MAN1A2: variants seen among roughly 807,000 people sequenced by gnomAD.
MAN1A2 encodes the protein mannosyl-oligosaccharide 1,2-alpha-mannosidase IB.
MAN1A2 carries 26 observed loss-of-function variants against 75.7 expected under a neutral mutation model. That is an observed-to-expected ratio of 0.34 (90% CI 0.25 to 0.48). The LOEUF is 0.48. MAN1A2 is among the 20% of genes least tolerant of loss of function. MAN1A2 has a pLI of 0.99. For synonymous variants in MAN1A2, 247 were observed against 264.6 expected (o/e 0.93, Z 0.65); for missense variants, 562 against 775.5 (o/e 0.72, Z 3.27).
At chr1:117,440,266 G>A (rs1648986359) in intron 5 of MAN1A2, among the ~76,000 whole-genome samples, 1 of 152,184 alleles carries the variant, frequency 6.6e-6, no homozygotes, top group South Asian at 2.1e-4. Flanking sequence ...AGGATTTTAT[G>A]TGACATGACC....
chr1:117,394,324 C>CG (rs1653838487), intron 1 of MAN1A2, among the ~76,000 whole-genome samples: 1 of 152,076 alleles, frequency 6.6e-6, no homozygotes, highest in African/African-American at 2.4e-5. Flanking sequence ...CCTCGTGATC[C>CG]GCCCGCCTCG....
chr1:117,487,117 C>A lies in MAN1A2; in HGVS notation c.1169-6030C>A, dbSNP rs182547951. 2.6e-5 allele frequency among the ~76,000 whole-genome samples: 4 copies of A among 152,020 alleles called. No individual in the cohort carries two copies. The East Asian group carries it at 7.8e-4, about 30-fold the overall frequency. On this transcript the variant is annotated intron_variant, in intron 8 of 12. Coordinates refer to ENST00000356554, the MANE Select transcript of MAN1A2 (RefSeq NM_006699.5). ...ATTATTTCCAACCTTAAATTTGATA[C>A]CCGTATGAAATAAAATTAAGTGAGA... is the stretch of plus-strand genomic sequence containing the variant.
intron 6 of MAN1A2, among the ~76,000 whole-genome samples, chr1:117,451,444 A>G (rs1353209392): frequency 6.6e-6 from 1 of 152,166 alleles, no homozygotes; most frequent in East Asian, 1.9e-4. Flanking sequence ...CTGAAATAAG[A>G]CTTTGGGGGA....
Position 117,526,843 on chromosome 1 carries a change from TC to T in MAN1A2, c.*3887del, listed in dbSNP as rs1652033754. 1 of 57,240 alleles carries T rather than the reference TC, an allele frequency of 1.7e-5. No homozygotes were observed. The highest frequency in any genetic ancestry group is 3.6e-5 in the Non-Finnish European group (1 of 27,454). 3.5% of individuals were successfully genotyped at this position (57,240 alleles called of 1,614,324 possible). ...AAATTGGCTAGGTCCTATCTTTTCCTCTCTCTCTCTCTCTCTCTCTCTCTCT... is the reference window on the plus strand; with the variant it reads ...AAATTGGCTAGGTCCTATCTTTTCCTTCTCTCTCTCTCTCTCTCTCTCTCT... On this transcript the variant is annotated 3_prime_UTR_variant, in exon 13 of 13. Coordinates refer to ENST00000356554, the MANE Select transcript of MAN1A2 (RefSeq NM_006699.5).
At position 117,373,762 on chromosome 1, in the gene MAN1A2, C is replaced by G. The variant is rs148164474; in HGVS notation, c.302+5277C>G. 2.3e-3 allele frequency among the ~76,000 whole-genome samples: 345 copies of G among 152,114 alleles called. 4 individuals carry two copies. Among genetic ancestry groups the G allele is most frequent in the African/African-American group, 7.9e-3 (329 of 41,524 alleles). ...TTTTACCTTGGCCTCCCAAAGTGTTCGGATTACAGGTGTTAGCCACTGCAC... is the reference window on the plus strand; with the variant it reads ...TTTTACCTTGGCCTCCCAAAGTGTTGGGATTACAGGTGTTAGCCACTGCAC... On this transcript the variant is annotated intron_variant, in intron 1 of 12. Coordinates refer to ENST00000356554, the MANE Select transcript of MAN1A2 (RefSeq NM_006699.5).
chr1:117,459,795 T>A (rs61805795), intron 6 of MAN1A2, among the ~76,000 whole-genome samples: 2,517 of 152,250 alleles, frequency 0.017, 32 homozygotes, highest in Non-Finnish European at 0.022. Context: ...GGACCATCAA[T>A]AGGGAATTTA....
At chr1:117,382,816 A>G (rs1187719693) in intron 1 of MAN1A2, among the ~76,000 whole-genome samples, 2 of 152,198 alleles carry the variant, frequency 1.3e-5, no homozygotes, top group Admixed American at 6.5e-5. Context: ...ACCCATGAGC[A>G]TGGAATGTTC....
chr1:117,503,011 GT>G, intron 12 of MAN1A2, 41 bp downstream of exon 12: 1 of 1,036,968 alleles, frequency 9.6e-7, no homozygotes, highest in Non-Finnish European at 1.4e-6. Context: ...TACTAGACTG[GT>G]TTTGCTGTGT....
chr1:117,389,945 G>T (rs1276723734), intron 1 of MAN1A2, among the ~76,000 whole-genome samples: 1 of 152,042 alleles, frequency 6.6e-6, no homozygotes. Context: ...TACTTTTTCT[G>T]CATCTCTTGA....
chr1:117,381,063 A>G (rs1653318338), intron 1 of MAN1A2, among the ~76,000 whole-genome samples: 1 of 152,152 alleles, frequency 6.6e-6, no homozygotes, highest in South Asian at 2.1e-4. Flanking sequence ...CAGCATACAA[A>G]TGTTTTACCT....
intron 5 of MAN1A2, among the ~76,000 whole-genome samples, chr1:117,421,679 T>C (rs1291642319): frequency 6.6e-6 from 1 of 152,078 alleles, no homozygotes; most frequent in African/African-American, 2.4e-5. Context: ...ATATATTAGA[T>C]TACATTTATC....
intron 1 of MAN1A2, among the ~76,000 whole-genome samples, chr1:117,380,196 A>G (rs1053255359): frequency 3.8e-4 from 58 of 152,274 alleles, no homozygotes; most frequent in African/African-American, 1.3e-3. Flanking sequence ...AGTGGTATCT[A>G]ATGATGAATT....
rs563518462 is a variant in MAN1A2 at position 117,484,991 on chromosome 1, G to T, written c.1169-8156G>T. On this transcript the variant is annotated intron_variant, in intron 8 of 12. Transcript: ENST00000356554. ...TATTTTTAAAAATTCACGTGTAAGT[G>T]GATCCACGCAGTTCAAATCTGTGTT... Among the ~76,000 whole-genome samples, 85 of 152,012 alleles carry T rather than the reference G, an allele frequency of 5.6e-4. No individual in the cohort carries two copies. In the Middle Eastern group the frequency reaches 0.017, roughly 30 times the overall value.
intron 5 of MAN1A2, among the ~76,000 whole-genome samples, chr1:117,438,237 T>C (rs1312646373): frequency 6.6e-6 from 1 of 152,226 alleles, no homozygotes; most frequent in Non-Finnish European, 1.5e-5. Flanking sequence ...TGTTTGTGTC[T>C]TAGTTTTTAA....
At chr1:117,490,350 A>G (rs191931229) in intron 8 of MAN1A2, among the ~76,000 whole-genome samples, 2 of 151,980 alleles carry the variant, frequency 1.3e-5, no homozygotes, top group African/African-American at 4.8e-5. Context: ...CCTTAGTATT[A>G]TGTATGTTAT....
intron 4 of MAN1A2, among the ~76,000 whole-genome samples, chr1:117,415,257 GATTATTTGAGA>G (rs1244420049): frequency 3.3e-5 from 5 of 151,944 alleles, no homozygotes; most frequent in Non-Finnish European, 7.4e-5. Context: ...GTATTGTGAG[GATTATTTGAGA>G]TAATGTGGTA....
chr1:117,439,904 C>A (rs1456348624), intron 5 of MAN1A2, among the ~76,000 whole-genome samples: 1 of 152,094 alleles, frequency 6.6e-6, no homozygotes, highest in Non-Finnish European at 1.5e-5. Context: ...ATATGGAGGG[C>A]AAATTGGTAG....
chr1:117,484,154 T>G (rs1411608284), intron 8 of MAN1A2, among the ~76,000 whole-genome samples: 1 of 151,880 alleles, frequency 6.6e-6, no homozygotes, highest in Non-Finnish European at 1.5e-5. Flanking sequence ...TAGTGCATAT[T>G]TCGTATGTTA....
chr1:117,451,711 T>A (rs572590589), intron 6 of MAN1A2, among the ~76,000 whole-genome samples: 2 of 152,358 alleles, frequency 1.3e-5, no homozygotes, highest in East Asian at 3.9e-4. Flanking sequence ...CCATGTGAGA[T>A]GTGCCTTTCA....
Sources: allele counts gnomAD v4.1 joint callset (sites outside exome capture counted in the v4.1 genomes callset), GRCh38; gene constraint gnomAD v4.1.1; transcripts MANE v1.5; gene names NCBI Gene and HGNC (gene_info 2026-07-23, HGNC 2026-07-21).